The following KDM4B variants were observed in gnomAD, a reference collection of about 807,000 sequenced individuals.
KDM4B encodes lysine-specific demethylase 4B.
In KDM4B, 32 loss-of-function variants were observed where a neutral mutation model predicts 125.2. The observed-to-expected ratio is 0.26, with a 90% CI of 0.19 to 0.34. The LOEUF is 0.34. Ranked by LOEUF, KDM4B falls within the 10% of genes least tolerant of loss-of-function variation. The probability of loss-of-function intolerance (pLI) is 1.00; values close to 1 mark genes in which losing one functional copy is unlikely to be tolerated. For missense variants in KDM4B, 1,190 were observed against 1,577.7 expected (o/e 0.75, Z 4.16); for synonymous variants, 721 against 677.9 (o/e 1.06, Z -0.99).
At chr19:5,105,393 G>A (rs2039015711) in intron 9 of KDM4B, among the ~76,000 whole-genome samples, 1 of 152,232 alleles carries the variant, frequency 6.6e-6, no homozygotes, top group Non-Finnish European at 1.5e-5. Context: ...TACACTGCGA[G>A]TTACACTAGA....
At chr19:5,093,604 A>C (rs908052831) in intron 9 of KDM4B, among the ~76,000 whole-genome samples, 1 of 152,236 alleles carries the variant, frequency 6.6e-6, no homozygotes, top group South Asian at 2.1e-4. Context: ...TCTGTGAGCC[A>C]TCAGCGCAGA....
intron 1 of KDM4B, among the ~76,000 whole-genome samples, chr19:4,991,757 T>TC (rs2035038096): frequency 6.6e-6 from 1 of 151,938 alleles, no homozygotes; most frequent in African/African-American, 2.4e-5. Flanking sequence ...GCTCTGCTTC[T>TC]CCCTTCTGTC....
intron 2 of KDM4B, among the ~76,000 whole-genome samples, chr19:5,022,698 G>A (rs1448763470): frequency 1.3e-5 from 2 of 152,100 alleles, no homozygotes; most frequent in East Asian, 1.9e-4. Flanking sequence ...TGTTGGTGTT[G>A]CAGGGGAGCT....
intron 18 of KDM4B, among the ~76,000 whole-genome samples, chr19:5,143,292 A>C (rs1180012269): frequency 6.7e-6 from 1 of 150,140 alleles, no homozygotes; most frequent in Non-Finnish European, 1.5e-5. Flanking sequence ...CGTGTGCTCC[A>C]GCCTGGGTGA....
In KDM4B at chr19:5,047,701, G is replaced by A. The variant is rs756821267; in HGVS notation, c.626+32G>A. The A allele has an allele frequency of 2.4e-5, 39 of 1,602,028 alleles. No individual in the cohort carries two copies. The Middle Eastern group carries it at 1.0e-3, about 41-fold the overall frequency. ...GTCTGCACTGGCCCTGCCGCCGGCCGGACCGAGAGCCCCTCGGGAGGGAGT... is the reference window on the plus strand; with the variant it reads ...GTCTGCACTGGCCCTGCCGCCGGCCAGACCGAGAGCCCCTCGGGAGGGAGT... On this transcript the variant is annotated intron_variant, in intron 6 of 22. Transcript: ENST00000159111.
At chr19:5,147,290 G>A (rs935266468) in intron 21 of KDM4B, among the ~76,000 whole-genome samples, 7 of 152,342 alleles carry the variant, frequency 4.6e-5, no homozygotes, top group East Asian at 1.9e-4. Context: ...GGAGACTCAG[G>A]GTGGGTCTTG....
chr19:5,037,452 C>A (rs1349266712), intron 3 of KDM4B, among the ~76,000 whole-genome samples: 4 of 152,224 alleles, frequency 2.6e-5, no homozygotes, highest in Admixed American at 2.6e-4. Context: ...AAGAGAACGG[C>A]AGCCCCGCAG....
intron 9 of KDM4B, among the ~76,000 whole-genome samples, chr19:5,096,607 G>A (rs1175795155): frequency 1.3e-5 from 2 of 150,268 alleles, no homozygotes; most frequent in Non-Finnish European, 3.0e-5. Context: ...GCCTGTTGCC[G>A]CGGTGCCCCC....
At chr19:5,150,479 C>G in intron 22 of KDM4B, 29 bp downstream of exon 22, 3 of 1,511,574 alleles carry the variant, frequency 2.0e-6, no homozygotes, top group South Asian at 2.4e-5. Context: ...CCTGGTGGCT[C>G]CGGGTGACTC....
intron 7 of KDM4B, chr19:5,077,049 G>T: frequency 2.9e-6 from 1 of 349,138 alleles, no homozygotes; most frequent in Non-Finnish European, 5.3e-6. Context: ...GAGGCCCTTG[G>T]CTGCCCCTGC....
At chr19:5,083,584 C>T (rs1005148164) in intron 9 of KDM4B, among the ~76,000 whole-genome samples, 8 of 152,324 alleles carry the variant, frequency 5.3e-5, no homozygotes, top group South Asian at 4.1e-4. Flanking sequence ...TGAGCTGTCC[C>T]GGCAGGCCAG....
intron 3 of KDM4B, among the ~76,000 whole-genome samples, chr19:5,039,149 T>A (rs2036723754): frequency 6.6e-6 from 1 of 152,214 alleles, no homozygotes; most frequent in Non-Finnish European, 1.5e-5. Context: ...ATTCCCGTTT[T>A]GAAAAATGCC....
At chr19:4,992,992 G>A (rs1433533924) in intron 1 of KDM4B, among the ~76,000 whole-genome samples, 1 of 152,142 alleles carries the variant, frequency 6.6e-6, no homozygotes, top group African/African-American at 2.4e-5. Flanking sequence ...CTAACATATG[G>A]TTTATCCTGG....
intron 11 of KDM4B, among the ~76,000 whole-genome samples, chr19:5,126,349 A>G (rs538393836): frequency 3.3e-5 from 5 of 152,098 alleles, no homozygotes; most frequent in Admixed American, 6.5e-5. Flanking sequence ...AGCCAGCCCT[A>G]ACCCCAGAAC....
chr19:5,106,351 CAG>C (rs755453576), intron 9 of KDM4B, among the ~76,000 whole-genome samples: 2 of 152,204 alleles, frequency 1.3e-5, no homozygotes, highest in Non-Finnish European at 2.9e-5. Context: ...AGATCGCTAG[CAG>C]GGGGAGATTA....
intron 6 of KDM4B, among the ~76,000 whole-genome samples, chr19:5,054,702 CCGTGTGGCCTAGAGCGTGG>C: frequency 6.6e-6 from 1 of 152,320 alleles, no homozygotes; most frequent in Non-Finnish European, 1.5e-5. Flanking sequence ...GGCATTGCAG[CCGTGTGGCCTAGAGCGTGG>C]CGTGTGGCGC....
intron 7 of KDM4B, among the ~76,000 whole-genome samples, chr19:5,072,086 C>CTCTCA (rs2037967659): frequency 6.6e-6 from 1 of 152,228 alleles, no homozygotes; most frequent in Non-Finnish European, 1.5e-5. Flanking sequence ...TTTCCAGGAG[C>CTCTCA]TCTCACCCAG....
At chr19:5,089,435 T>C (rs1345598424) in intron 9 of KDM4B, among the ~76,000 whole-genome samples, 2 of 152,150 alleles carry the variant, frequency 1.3e-5, no homozygotes, top group African/African-American at 4.8e-5. Flanking sequence ...ACCAGTGGAA[T>C]GTTATGCAGC....
chr19:5,111,695 G>T, intron 10 of KDM4B: 1 of 745,798 alleles, frequency 1.3e-6, no homozygotes, highest in South Asian at 1.4e-5. Context: ...GGAGCCGGGA[G>T]GGACGGCACA....
Sources: allele counts gnomAD v4.1 joint callset (sites outside exome capture counted in the v4.1 genomes callset), GRCh38; gene constraint gnomAD v4.1.1; transcripts MANE v1.5; gene names NCBI Gene and HGNC (gene_info 2026-07-23, HGNC 2026-07-21).